TRABD2B: variants seen among roughly 807,000 people sequenced by gnomAD.
The protein encoded by TRABD2B is TraB domain containing 2B.
In TRABD2B, 14 loss-of-function variants were observed where a neutral mutation model predicts 40.1. The ratio of observed to expected loss-of-function variants is 0.35; its 90% CI spans 0.23 to 0.55. The LOEUF is 0.55. Among genes scored for constraint, TRABD2B ranks in the 20% least tolerant of loss-of-function variants. The pLI is 0.90. For missense variants in TRABD2B, 541 were observed against 648.6 expected (o/e 0.83, Z 1.80); for synonymous variants, 263 against 277.0 (o/e 0.95, Z 0.50).
At chr1:47,812,160 A>G (rs1411671061) in intron 2 of TRABD2B, among the ~76,000 whole-genome samples, 1 of 152,192 alleles carries the variant, frequency 6.6e-6, no homozygotes, top group Non-Finnish European at 1.5e-5. Context: ...TGATTTCATA[A>G]ACCGAACACA....
chr1:47,802,433 G>A (rs146496052), intron 2 of TRABD2B, among the ~76,000 whole-genome samples: 4 of 152,288 alleles, frequency 2.6e-5, no homozygotes, highest in Non-Finnish European at 5.9e-5. Flanking sequence ...GGGAAGGGAG[G>A]GACCTGCTCA....
At chr1:47,790,971 T>C (rs1644663301) in intron 4 of TRABD2B, among the ~76,000 whole-genome samples, 1 of 152,160 alleles carries the variant, frequency 6.6e-6, no homozygotes, top group African/African-American at 2.4e-5. Context: ...TTTCCCAGCA[T>C]CTCTTAGCTC....
At chr1:47,851,112 C>A (rs1366672760) in intron 2 of TRABD2B, among the ~76,000 whole-genome samples, 1 of 152,086 alleles carries the variant, frequency 6.6e-6, no homozygotes, top group East Asian at 1.9e-4. Context: ...GTGGTGGAGA[C>A]CCCTGTTCTA....
rs191436747 is a variant in TRABD2B at position 47,940,041 on chromosome 1, G to A, written c.666+53993C>T. Among the ~76,000 whole-genome samples, 584 of 152,232 alleles carry A rather than the reference G, an allele frequency of 3.8e-3. 4 individuals carry two copies. Among genetic ancestry groups the A allele is most frequent in the African/African-American group, 0.013 (555 of 41,538 alleles). Reference sequence around the variant, plus strand: ...CTCCAACCGAATTTCCTAGCCTTCCGTTCCCCACCATCCCTGATGCACCCT... The same window carrying A: ...CTCCAACCGAATTTCCTAGCCTTCCATTCCCCACCATCCCTGATGCACCCT... On this transcript the variant is annotated intron_variant, in intron 2 of 6. Transcript: ENST00000606738.
At chr1:47,767,331 A>G (rs1352979523) in intron 6 of TRABD2B, among the ~76,000 whole-genome samples, 1 of 152,204 alleles carries the variant, frequency 6.6e-6, no homozygotes, top group African/African-American at 2.4e-5. Context: ...AGGTAGATGA[A>G]GGGAAGGCCA....
chr1:47,931,706 G>A (rs999744698), intron 2 of TRABD2B, among the ~76,000 whole-genome samples: 1 of 152,166 alleles, frequency 6.6e-6, no homozygotes, highest in Non-Finnish European at 1.5e-5. Flanking sequence ...CAGCCCAGTT[G>A]CCTGCCTAAT....
intron 2 of TRABD2B, among the ~76,000 whole-genome samples, chr1:47,930,082 G>A (rs1035931792): frequency 6.6e-6 from 1 of 152,182 alleles, no homozygotes; most frequent in Admixed American, 6.5e-5. Flanking sequence ...CCCAGCCAGG[G>A]AGGTGCCCAG....
At chr1:47,980,128 G>A (rs1645820109) in intron 2 of TRABD2B, among the ~76,000 whole-genome samples, 2 of 152,102 alleles carry the variant, frequency 1.3e-5, no homozygotes. Context: ...CAATTGCCTA[G>A]TCTCCCCATG....
At chr1:47,887,967 G>A (rs559244845) in intron 2 of TRABD2B, among the ~76,000 whole-genome samples, 12 of 152,264 alleles carry the variant, frequency 7.9e-5, no homozygotes, top group South Asian at 2.1e-4. Flanking sequence ...CCTGCCCTCC[G>A]GAGCCCAGGA....
chr1:47,884,869 G>T (rs1169069887), intron 2 of TRABD2B, among the ~76,000 whole-genome samples: 1 of 152,150 alleles, frequency 6.6e-6, no homozygotes, highest in Non-Finnish European at 1.5e-5. Flanking sequence ...ACCCACCTCA[G>T]CCTCTCAAAG....
At chr1:47,957,140 AGGTCCT>A (rs1210208450) in intron 2 of TRABD2B, among the ~76,000 whole-genome samples, 2 of 152,242 alleles carry the variant, frequency 1.3e-5, no homozygotes, top group Non-Finnish European at 2.9e-5. Context: ...CTGCAGCTGA[AGGTCCT>A]GACTGTTAGA....
intron 2 of TRABD2B, among the ~76,000 whole-genome samples, chr1:47,907,455 T>TA (rs1644693964): frequency 6.6e-6 from 1 of 152,204 alleles, no homozygotes; most frequent in Admixed American, 6.5e-5. Context: ...ACCTACCAGG[T>TA]ACCTTTCATG....
chr1:47,925,681 G>GTT (rs1444855701), intron 2 of TRABD2B, among the ~76,000 whole-genome samples: 2 of 152,220 alleles, frequency 1.3e-5, no homozygotes, highest in Non-Finnish European at 2.9e-5. Context: ...AGGAGTAAGT[G>GTT]TTTCTCTCAG....
intron 2 of TRABD2B, among the ~76,000 whole-genome samples, chr1:47,853,262 A>G (rs1191943923): frequency 1.3e-5 from 2 of 152,120 alleles, no homozygotes; most frequent in African/African-American, 4.8e-5. Flanking sequence ...TGGGGCCCAA[A>G]CCCACCAACG....
intron 2 of TRABD2B, among the ~76,000 whole-genome samples, chr1:47,869,478 T>G (rs1249444085): frequency 6.6e-6 from 1 of 152,136 alleles, no homozygotes; most frequent in Admixed American, 6.5e-5. Context: ...AAGAAGATGA[T>G]GCTGTGATGG....
intron 2 of TRABD2B, among the ~76,000 whole-genome samples, chr1:47,938,871 T>C (rs923575281): frequency 6.6e-6 from 1 of 152,110 alleles, no homozygotes. Flanking sequence ...AGGAGGAGGA[T>C]AAGAGGTTGA....
intron 3 of TRABD2B, among the ~76,000 whole-genome samples, chr1:47,800,810 G>T (rs966397156): frequency 1.3e-5 from 2 of 152,152 alleles, no homozygotes; most frequent in African/African-American, 2.4e-5. Context: ...CTGAACAAAG[G>T]CCCAGAAGCT....
chr1:47,853,346 C>T (rs968948832), intron 2 of TRABD2B, among the ~76,000 whole-genome samples: 4 of 152,198 alleles, frequency 2.6e-5, no homozygotes, highest in Non-Finnish European at 4.4e-5. Context: ...CATATTGGGT[C>T]CCACCTCCGG....
At position 47,764,621 on chromosome 1, in the gene TRABD2B, G is replaced by T. The variant is rs560740115; in HGVS notation, c.*1281C>A. ...GGACATGCGACACATGGCACATGCA[G>T]TTGCCAGAGCCCTTTGGCCAGAGGG... On this transcript the variant is annotated 3_prime_UTR_variant, in exon 7 of 7. Coordinates refer to ENST00000606738, the MANE Select transcript of TRABD2B (RefSeq NM_001194986.2). 2.7e-4 allele frequency: 41 copies of T among 152,336 alleles called. No individual in the cohort carries two copies. The highest frequency in any genetic ancestry group is 9.4e-4 in the African/African-American group (39 of 41,582). 9.4% of individuals were successfully genotyped at this position (152,336 alleles called of 1,614,324 possible).
Sources: gnomAD v4.1 joint callset for allele counts (sites outside exome capture counted in the v4.1 genomes callset) on GRCh38, gnomAD v4.1.1 for gene constraint, MANE v1.5 for transcripts, NCBI Gene and HGNC (gene_info 2026-07-23, HGNC 2026-07-21) for gene names.